The following BTBD9 variants were observed in gnomAD, a reference collection of about 807,000 sequenced individuals.
The protein encoded by BTBD9 is BTB domain containing 9, also known as BTB/POZ domain-containing protein 9.
In BTBD9, 49 loss-of-function variants were observed where a neutral mutation model predicts 64.3. The observed-to-expected ratio is 0.76, with a 90% CI of 0.61 to 0.97. BTBD9 has a LOEUF of 0.97. BTBD9 is among the 50% of genes least tolerant of loss of function. BTBD9 has a pLI of 0.00. For synonymous variants in BTBD9, 260 were observed against 274.7 expected (o/e 0.95, Z 0.53); for missense variants, 598 against 762.1 (o/e 0.78, Z 2.53).
chr6:38,352,449 A>C (rs1764558510), intron 6 of BTBD9, among the ~76,000 whole-genome samples: 1 of 152,238 alleles, frequency 6.6e-6, no homozygotes. Context: ...CCTTGATCAG[A>C]CATAAGCCTT....
At chr6:38,361,430 T>C (rs1764953151) in intron 6 of BTBD9, among the ~76,000 whole-genome samples, 1 of 151,984 alleles carries the variant, frequency 6.6e-6, no homozygotes, top group African/African-American at 2.4e-5. Flanking sequence ...ATGGCTATAG[T>C]CCTAGCTACT....
At chr6:38,356,766 G>A (rs1764743577) in intron 6 of BTBD9, among the ~76,000 whole-genome samples, 1 of 152,182 alleles carries the variant, frequency 6.6e-6, no homozygotes, top group Non-Finnish European at 1.5e-5. Context: ...TGGGTTCACT[G>A]TTAGGAAAAC....
chr6:38,262,867 T>C (rs1193651036), intron 8 of BTBD9, among the ~76,000 whole-genome samples: 1 of 152,242 alleles, frequency 6.6e-6, no homozygotes, highest in Non-Finnish European at 1.5e-5. Flanking sequence ...TTGTGAACAA[T>C]GGCTGAAGTA....
intron 9 of BTBD9, among the ~76,000 whole-genome samples, chr6:38,205,709 C>T (rs1416739154): frequency 2.0e-5 from 3 of 151,162 alleles, no homozygotes; most frequent in Non-Finnish European, 4.4e-5. Flanking sequence ...CATGGCAAAA[C>T]CCCTTCTTTA....
chr6:38,226,440 G>A (rs543902084), intron 9 of BTBD9, among the ~76,000 whole-genome samples: 48 of 152,284 alleles, frequency 3.2e-4, no homozygotes, highest in African/African-American at 1.1e-3. Context: ...TGCAAAAGGA[G>A]TCAGGAAATG....
At chr6:38,361,652 C>A (rs1366740620) in intron 6 of BTBD9, among the ~76,000 whole-genome samples, 12 of 152,068 alleles carry the variant, frequency 7.9e-5, no homozygotes. Context: ...ACCAGCCTGG[C>A]CAACATGGAG....
At chr6:38,199,145 C>G (rs1375192232) in intron 9 of BTBD9, among the ~76,000 whole-genome samples, 1 of 152,162 alleles carries the variant, frequency 6.6e-6, no homozygotes, top group Non-Finnish European at 1.5e-5. Flanking sequence ...AGACCATGAA[C>G]AGAGAAGATC....
chr6:38,294,104 C>G (rs1762072971), intron 7 of BTBD9, among the ~76,000 whole-genome samples: 1 of 152,150 alleles, frequency 6.6e-6, no homozygotes, highest in Non-Finnish European at 1.5e-5. Context: ...AAATGCAAAT[C>G]AAAACCACAA....
At chr6:38,327,279 G>T (rs9380735) in intron 7 of BTBD9, among the ~76,000 whole-genome samples, 1 of 151,970 alleles carries the variant, frequency 6.6e-6, no homozygotes, top group African/African-American at 2.4e-5. Flanking sequence ...GGCCCAGACT[G>T]GCTCACCCAC....
At chr6:38,268,067 C>T (rs1765074824) in intron 8 of BTBD9, among the ~76,000 whole-genome samples, 1 of 152,202 alleles carries the variant, frequency 6.6e-6, no homozygotes, top group South Asian at 2.1e-4. Context: ...TCACTTATTC[C>T]TGTACAATAT....
At chr6:38,302,267 T>G (rs1762431761) in intron 7 of BTBD9, among the ~76,000 whole-genome samples, 1 of 151,938 alleles carries the variant, frequency 6.6e-6, no homozygotes, top group Non-Finnish European at 1.5e-5. Flanking sequence ...GACCAGTTTC[T>G]CCTTACCTCC....
chr6:38,175,723 C>A (rs1487738572), intron 10 of BTBD9, among the ~76,000 whole-genome samples: 1 of 152,164 alleles, frequency 6.6e-6, no homozygotes, highest in Admixed American at 6.5e-5. Context: ...TCTGCAGGGT[C>A]CCAGTCTGAG....
chr6:38,447,917 A>G (rs1769349831), intron 6 of BTBD9, among the ~76,000 whole-genome samples: 1 of 152,226 alleles, frequency 6.6e-6, no homozygotes, highest in Admixed American at 6.5e-5. Context: ...TGAAGACTGG[A>G]GAAAGATACG....
In BTBD9 at chr6:38,507,182, T is replaced by C. The variant is rs1454994121; in HGVS notation, c.1154+70418A>G. 2.0e-5 allele frequency among the ~76,000 whole-genome samples: 3 copies of C among 152,374 alleles called. No homozygotes were observed. In the East Asian group the frequency reaches 5.8e-4, roughly 29 times the overall value. On this transcript the variant is annotated intron_variant, in intron 6 of 10. Coordinates refer to ENST00000481247, the MANE Select transcript of BTBD9 (RefSeq NM_001099272.2). ...ACTGTTATTCCTGACCACAGCTTGC[T>C]GCTTACTTCCTTCAGAGCCCTTCTA...
chr6:38,299,870 C>G (rs1027035827), intron 7 of BTBD9, among the ~76,000 whole-genome samples: 4 of 152,150 alleles, frequency 2.6e-5, no homozygotes, highest in Admixed American at 1.3e-4. Context: ...AATTAGATCC[C>G]ATTTGTCAAT....
intron 9 of BTBD9, among the ~76,000 whole-genome samples, chr6:38,221,922 C>A (rs1031433923): frequency 6.6e-6 from 1 of 151,834 alleles, no homozygotes; most frequent in Non-Finnish European, 1.5e-5. Flanking sequence ...ACCTGGGAGG[C>A]GGAGGTTGCA....
At chr6:38,598,389 CTG>C (rs1278714503) in intron 1 of BTBD9, among the ~76,000 whole-genome samples, 2 of 152,170 alleles carry the variant, frequency 1.3e-5, no homozygotes, top group Non-Finnish European at 2.9e-5. Flanking sequence ...GTCTAGAAAA[CTG>C]AGCCCAAACA....
chr6:38,225,664 A>G (rs9470831), intron 9 of BTBD9, among the ~76,000 whole-genome samples: 4,802 of 152,264 alleles, frequency 0.032, 272 homozygotes, highest in African/African-American at 0.11. Flanking sequence ...GACAGGTGCT[A>G]TGAAGGAATA....
At chr6:38,576,208 A>G (rs1031498024) in intron 6 of BTBD9, among the ~76,000 whole-genome samples, 1 of 152,136 alleles carries the variant, frequency 6.6e-6, no homozygotes, top group Non-Finnish European at 1.5e-5. Context: ...TGCAGACTCA[A>G]TCTCCTCCTC....
Sources: gnomAD v4.1 joint callset for allele counts (sites outside exome capture counted in the v4.1 genomes callset) on GRCh38, gnomAD v4.1.1 for gene constraint, MANE v1.5 for transcripts, NCBI Gene and HGNC (gene_info 2026-07-23, HGNC 2026-07-21) for gene names.